The following AHCY variants were observed in gnomAD, a reference collection of about 807,000 sequenced individuals.
AHCY encodes adenosylhomocysteinase.
AHCY carries 24 observed loss-of-function variants against 45.4 expected under a neutral mutation model. The ratio of observed to expected loss-of-function variants is 0.53; its 90% CI spans 0.38 to 0.74. The LOEUF (loss-of-function observed/expected upper bound fraction) is 0.74. Among genes scored for constraint, AHCY ranks in the 30% least tolerant of loss-of-function variants. The pLI, the probability that AHCY is intolerant of heterozygous loss-of-function variation, is 0.00. For synonymous variants in AHCY, 245 were observed against 235.1 expected (o/e 1.04, Z -0.39); for missense variants, 449 against 594.1 (o/e 0.76, Z 2.54).
At chr20:34,303,894 G>A (rs1031160709), upstream of AHCY, among the ~76,000 whole-genome samples, 2 of 152,186 alleles carry the variant, frequency 1.3e-5, no homozygotes, top group Non-Finnish European at 2.9e-5. Flanking sequence ...TACTTGGGAC[G>A]CGGAGGCGGG....
chr20:34,277,033 C>T (rs78766976), downstream of AHCY, among the ~76,000 whole-genome samples: 2,717 of 152,134 alleles, frequency 0.018, 94 homozygotes, highest in African/African-American at 0.062. Flanking sequence ...CAACAGTCCC[C>T]GTGATCCGGC....
the AHCY span, among the ~76,000 whole-genome samples, chr20:34,257,070 C>CTTTTTTTTTTTTTTTTTTTTTTTTTT: frequency 1.4e-5 from 2 of 139,424 alleles, no homozygotes; most frequent in East Asian, 2.0e-4. Context: ...CTTTCTTTCT[C>CTTTTTTTTTTTTTTTTTTTTTTTTTT]TTTTTTTTTT....
At chr20:34,297,166 T>C (rs2036601079) in intron 1 of AHCY, among the ~76,000 whole-genome samples, 1 of 152,012 alleles carries the variant, frequency 6.6e-6, no homozygotes, top group Non-Finnish European at 1.5e-5. Context: ...TCTACCCCCT[T>C]TCCCTTTGAG....
intron 8 of AHCY, among the ~76,000 whole-genome samples, chr20:34,286,669 A>C (rs2036197500): frequency 6.6e-6 from 1 of 151,874 alleles, no homozygotes; most frequent in African/African-American, 2.4e-5. Context: ...CCCTGTCTCT[A>C]CTAAAAACAC....
In AHCY at chr20:34,285,622, G is replaced by A. The variant is rs530155117; in HGVS notation, c.985C>T (p.Arg329Trp). ...VNIKPQVDRY[R>W]LKNGRRIILL... is the part of the protein sequence containing the mutation. Reference sequence around the variant, plus strand: ...ATGATGCGGCGCCCATTCTTCAACCGATACCGGTCCACCTACACGCAGGCA... The same window carrying A: ...ATGATGCGGCGCCCATTCTTCAACCAATACCGGTCCACCTACACGCAGGCA... Residue 329 changes from arginine (R) to tryptophan (W), a missense_variant, in exon 9 of 10, where the codon CGG becomes TGG. Physicochemically the swap from Arg to Trp is moderately radical, Grantham distance 101. Coordinates refer to ENST00000217426, the MANE Select transcript of AHCY (RefSeq NM_000687.4). 93 of 1,613,444 alleles carry A rather than the reference G, an allele frequency of 5.8e-5. 1 individual carries two copies. The highest frequency in any genetic ancestry group is 1.3e-4 in the East Asian group (6 of 44,862).
intron 1 of AHCY, among the ~76,000 whole-genome samples, chr20:34,298,574 C>T (rs975667534): frequency 2.8e-5 from 4 of 142,638 alleles, no homozygotes; most frequent in Non-Finnish European, 4.6e-5. Context: ...GAACAACACC[C>T]GCTACTTAGC....
chr20:34,242,336 G>A, the AHCY span, among the ~76,000 whole-genome samples: 1 of 151,984 alleles, frequency 6.6e-6, no homozygotes, highest in Non-Finnish European at 1.5e-5. Context: ...GAGTTCAAAC[G>A]ATTCTCCCAC....
At chr20:34,249,942 T>C in the AHCY span, 1 of 152,274 alleles carries the variant, frequency 6.6e-6, no homozygotes, top group Non-Finnish European at 1.5e-5. Flanking sequence ...TCTTCCCAAG[T>C]ATATGCTTTT....
At chr20:34,268,965 A>C in the AHCY span, 5 of 1,582,556 alleles carry the variant, frequency 3.2e-6, no homozygotes, top group Non-Finnish European at 4.3e-6. Context: ...TGGCCGGCTC[A>C]TAAAGCCCCG....
In AHCY at chr20:34,295,172, T is replaced by C. The variant is rs2036529817; in HGVS notation, c.219+223A>G. 7 of 653,438 alleles carry C rather than the reference T, an allele frequency of 1.1e-5. No homozygotes were observed. The South Asian group carries it at 1.2e-4, about 11-fold the overall frequency. 40.5% of individuals were successfully genotyped at this position (653,438 alleles called of 1,614,324 possible). ...ATCCATCAGGAGGATGCCTTGAGGG[T>C]AGCCAACAGTGACCTTCCCAGCCAG... On this transcript the variant is annotated intron_variant, in intron 2 of 9. Transcript: ENST00000217426.
chr20:34,240,555 G>A, the AHCY span, among the ~76,000 whole-genome samples: 2 of 152,014 alleles, frequency 1.3e-5, no homozygotes, highest in Non-Finnish European at 2.9e-5. Context: ...CAATATTCCT[G>A]CAAAAAAAGG....
the AHCY span, among the ~76,000 whole-genome samples, chr20:34,255,726 A>G: frequency 6.6e-6 from 1 of 152,242 alleles, no homozygotes; most frequent in Non-Finnish European, 1.5e-5. Flanking sequence ...CCAGAAGACA[A>G]GAGTGTGAGC....
chr20:34,295,210 C>A (rs766904925), intron 2 of AHCY, 185 bp downstream of exon 2: 2 of 767,744 alleles, frequency 2.6e-6, no homozygotes, highest in South Asian at 3.0e-5. Context: ...AGAAAATCTG[C>A]AGAACACTCA....
At chr20:34,308,288 G>A (rs906646974), upstream of AHCY, among the ~76,000 whole-genome samples, 1 of 152,188 alleles carries the variant, frequency 6.6e-6, no homozygotes, top group African/African-American at 2.4e-5. Flanking sequence ...TGGTGGCTCA[G>A]GCCTATAGTC....
upstream of AHCY, chr20:34,303,404 A>T (rs2036851342): frequency 1.5e-6 from 2 of 1,295,856 alleles, no homozygotes; most frequent in Non-Finnish European, 2.2e-6. Flanking sequence ...GCACTTGCAT[A>T]TTCATGACCC....
downstream of AHCY, among the ~76,000 whole-genome samples, chr20:34,279,264 A>C (rs2035941824): frequency 6.7e-6 from 1 of 150,152 alleles, no homozygotes; most frequent in Non-Finnish European, 1.5e-5. Flanking sequence ...AAAAAATACA[A>C]AAAAAAATTT....
the AHCY span, among the ~76,000 whole-genome samples, chr20:34,234,335 G>T: frequency 6.6e-6 from 1 of 152,108 alleles, no homozygotes; most frequent in Non-Finnish European, 1.5e-5. Flanking sequence ...TAAAAATATA[G>T]CATAACTAGT....
chr20:34,253,661 G>A, the AHCY span, among the ~76,000 whole-genome samples: 3 of 151,654 alleles, frequency 2.0e-5, no homozygotes, highest in Non-Finnish European at 2.9e-5. Flanking sequence ...TAGTAGAGAC[G>A]GGTTTCACCA....
chr20:34,286,962 G>A (rs1161089898), intron 8 of AHCY, among the ~76,000 whole-genome samples: 2 of 151,726 alleles, frequency 1.3e-5, no homozygotes, highest in Non-Finnish European at 2.9e-5. Flanking sequence ...GAGTGAACGT[G>A]ACATGGAAAT....
Sources: gnomAD v4.1 joint callset for allele counts (sites outside exome capture counted in the v4.1 genomes callset) on GRCh38, gnomAD v4.1.1 for gene constraint, MANE v1.5 for transcripts, NCBI Gene and HGNC (gene_info 2026-07-23, HGNC 2026-07-21) for gene names.